EPHB1: variants seen among roughly 807,000 people sequenced by gnomAD.
EPHB1 encodes the protein EPH receptor B1.
EPHB1 carries 30 observed loss-of-function variants against 94.4 expected under a neutral mutation model. The observed-to-expected ratio is 0.32, with a 90% CI of 0.24 to 0.43. The LOEUF is 0.43. Ranked by LOEUF, EPHB1 falls within the 20% of genes least tolerant of loss-of-function variation. The pLI is 1.00. For synonymous variants in EPHB1, 522 were observed against 489.1 expected, an observed-to-expected ratio of 1.07 and a Z score of -0.89; for missense variants, 1,055 against 1,308.3, an observed-to-expected ratio of 0.81 and a Z score of 2.99.
chr3:135,209,897 G>T (rs1282891515), intron 12 of EPHB1, among the ~76,000 whole-genome samples: 11 of 152,174 alleles, frequency 7.2e-5, no homozygotes, highest in Admixed American at 7.2e-4. Context: ...CTGGGATGCA[G>T]CAAATGAATC....
chr3:134,826,314 A>G (rs1443690345), intron 1 of EPHB1, among the ~76,000 whole-genome samples: 5 of 151,998 alleles, frequency 3.3e-5, no homozygotes, highest in African/African-American at 7.2e-5. Flanking sequence ...CCAGAATACA[A>G]TTAGGAAGTT....
intron 1 of EPHB1, among the ~76,000 whole-genome samples, chr3:134,867,509 G>GGTGAGAGGAATAAGCAGGTGACAGGGA (rs2037405201): frequency 6.6e-6 from 1 of 152,186 alleles, no homozygotes; most frequent in African/African-American, 2.4e-5. Context: ...CAAGGGCCTA[G>GGTGAGAGGAATAAGCAGGTGACAGGGA]GTGAGAGGAA....
At chr3:135,153,881 C>G (rs187376229) in intron 5 of EPHB1, among the ~76,000 whole-genome samples, 5 of 152,308 alleles carry the variant, frequency 3.3e-5, no homozygotes, top group South Asian at 4.1e-4. Flanking sequence ...TTTGGTCAAG[C>G]CTTGCCACCT....
At chr3:134,851,825 C>T (rs575599525) in intron 1 of EPHB1, among the ~76,000 whole-genome samples, 1 of 152,274 alleles carries the variant, frequency 6.6e-6, no homozygotes, top group South Asian at 2.1e-4. Flanking sequence ...ATCATGATAG[C>T]CTGGAAAAAT....
intron 3 of EPHB1, among the ~76,000 whole-genome samples, chr3:135,100,062 C>T (rs1246838326): frequency 1.3e-5 from 2 of 152,022 alleles, no homozygotes; most frequent in African/African-American, 2.4e-5. Flanking sequence ...CCTTTGCAAA[C>T]TCATTTGGGG....
chr3:135,113,372 A>G (rs571196198), intron 4 of EPHB1, among the ~76,000 whole-genome samples: 2 of 152,306 alleles, frequency 1.3e-5, no homozygotes, highest in East Asian at 3.9e-4. Context: ...GGAATTGTAT[A>G]GCTCTAAGTT....
intron 3 of EPHB1, among the ~76,000 whole-genome samples, chr3:134,999,378 C>A (rs1387081271): frequency 6.6e-6 from 1 of 152,054 alleles, no homozygotes; most frequent in Admixed American, 6.6e-5. Context: ...TTTGAAAAAG[C>A]CATTCTGAGT....
At chr3:134,836,550 A>G (rs2036676470) in intron 1 of EPHB1, among the ~76,000 whole-genome samples, 1 of 152,214 alleles carries the variant, frequency 6.6e-6, no homozygotes, top group Non-Finnish European at 1.5e-5. Context: ...ACTACACTTC[A>G]TTAGGTAAAT....
At chr3:135,087,394 A>C (rs1338771406) in intron 3 of EPHB1, among the ~76,000 whole-genome samples, 5 of 152,236 alleles carry the variant, frequency 3.3e-5, no homozygotes, top group Non-Finnish European at 5.9e-5. Flanking sequence ...AGTTATTAAC[A>C]AATGAGTGTT....
intron 12 of EPHB1, among the ~76,000 whole-genome samples, chr3:135,212,244 A>G (rs1412821659): frequency 1.3e-5 from 2 of 152,082 alleles, no homozygotes; most frequent in Non-Finnish European, 2.9e-5. Flanking sequence ...CTCATTGACC[A>G]TAGCTACCAT....
intron 13 of EPHB1, among the ~76,000 whole-genome samples, chr3:135,243,905 T>C (rs1191917929): frequency 6.6e-6 from 1 of 152,138 alleles, no homozygotes; most frequent in African/African-American, 2.4e-5. Context: ...TATTGAAACA[T>C]CAGAGCTTGA....
chr3:134,814,453 G>A (rs1220647052), intron 1 of EPHB1, among the ~76,000 whole-genome samples: 1 of 152,170 alleles, frequency 6.6e-6, no homozygotes, highest in East Asian at 1.9e-4. Flanking sequence ...CAGGGGCTCG[G>A]TGATGTAGGA....
intron 4 of EPHB1, among the ~76,000 whole-genome samples, chr3:135,110,715 T>A (rs1482621927): frequency 6.6e-6 from 1 of 152,234 alleles, no homozygotes; most frequent in Admixed American, 6.5e-5. Context: ...TTATTCTCAC[T>A]CATGAATCTA....
At chr3:134,829,125 T>G (rs2036537136) in intron 1 of EPHB1, among the ~76,000 whole-genome samples, 1 of 152,260 alleles carries the variant, frequency 6.6e-6, no homozygotes, top group Non-Finnish European at 1.5e-5. Context: ...GAGTGTGCTA[T>G]TTTTAAGAGA....
chr3:134,940,816 G>A (rs1436110757), intron 2 of EPHB1, among the ~76,000 whole-genome samples: 1 of 152,194 alleles, frequency 6.6e-6, no homozygotes, highest in Non-Finnish European at 1.5e-5. Flanking sequence ...TAAGGTCCAT[G>A]CGGACAGGGA....
chr3:135,144,290 C>T (rs980741507), intron 5 of EPHB1, among the ~76,000 whole-genome samples: 1 of 152,212 alleles, frequency 6.6e-6, no homozygotes, highest in Non-Finnish European at 1.5e-5. Flanking sequence ...TGAATGGCCT[C>T]AGATGCCCTG....
At chr3:135,241,371 T>G in intron 13 of EPHB1, 74 bp downstream of exon 13, 1 of 1,580,026 alleles carries the variant, frequency 6.3e-7, no homozygotes, top group Admixed American at 1.7e-5. Context: ...TACCAATTCC[T>G]CCTGTTTTCA....
chr3:135,105,997 C>T (rs754649670), intron 3 of EPHB1, among the ~76,000 whole-genome samples: 1 of 152,120 alleles, frequency 6.6e-6, no homozygotes, highest in Non-Finnish European at 1.5e-5. Context: ...ACCGTGGGTC[C>T]AACATGTCAT....
chr3:135,115,892 G>T (rs965209621), intron 4 of EPHB1, among the ~76,000 whole-genome samples: 2 of 152,142 alleles, frequency 1.3e-5, no homozygotes. Flanking sequence ...TAAGAAGTGG[G>T]TTTTGAGTCT....
Sources: allele counts gnomAD v4.1 joint callset (sites outside exome capture counted in the v4.1 genomes callset), GRCh38; gene constraint gnomAD v4.1.1; transcripts MANE v1.5; gene names NCBI Gene and HGNC (gene_info 2026-07-23, HGNC 2026-07-21).